Variants in TBC1D19 observed in about 807,000 individuals in gnomAD.
TBC1D19 encodes TBC1 domain family member 19.
TBC1D19 carries 60 observed loss-of-function variants against 89.0 expected under a neutral mutation model. The ratio of observed to expected loss-of-function variants is 0.67; its 90% CI spans 0.55 to 0.84. The LOEUF (loss-of-function observed/expected upper bound fraction) is 0.84, where lower values mean the gene tolerates loss of function less well. Among genes scored for constraint, TBC1D19 ranks in the 40% least tolerant of loss-of-function variants. The probability of loss-of-function intolerance (pLI) is 0.00; values close to 1 mark genes in which losing one functional copy is unlikely to be tolerated. For missense variants in TBC1D19, 500 were observed against 610.8 expected, an observed-to-expected ratio of 0.82 and a Z score of 1.91; for synonymous variants, 189 against 199.7, an observed-to-expected ratio of 0.95 and a Z score of 0.45.
At chr4:26,814,070 T>C in the TBC1D19 span, among the ~76,000 whole-genome samples, 1 of 152,096 alleles carries the variant, frequency 6.6e-6, no homozygotes, top group Admixed American at 6.5e-5. Context: ...TCTTTGTTTG[T>C]TCTCGGTACC....
chr4:26,584,110 C>T lies in TBC1D19; in HGVS notation c.-84C>T, dbSNP rs1237932540. Reference sequence around the variant, plus strand: ...GTGTAATAAGGTCCCGGAGAAGTGTCACTGGCCCTGAGTGGGACCCGGTAG... The same window carrying T: ...GTGTAATAAGGTCCCGGAGAAGTGTTACTGGCCCTGAGTGGGACCCGGTAG... On this transcript the variant is annotated 5_prime_UTR_variant, in exon 1 of 21. Transcript: ENST00000264866. 3 of 1,360,536 alleles carry T rather than the reference C, an allele frequency of 2.2e-6. No individual in the cohort carries two copies. Among genetic ancestry groups the T allele is most frequent in the African/African-American group, 2.9e-5 (2 of 69,932 alleles). The allele number at this position is 1,360,536 out of a possible 1,614,324, so 84.3% of individuals were successfully genotyped here.
chr4:26,753,315 C>T (rs1719079759), intron 19 of TBC1D19, among the ~76,000 whole-genome samples: 1 of 151,978 alleles, frequency 6.6e-6, no homozygotes, highest in Admixed American at 6.6e-5. Context: ...ATACCTGCAC[C>T]AAAATAAACC....
chr4:26,720,999 C>G (rs1716939752), intron 15 of TBC1D19, among the ~76,000 whole-genome samples: 1 of 152,106 alleles, frequency 6.6e-6, no homozygotes, highest in Non-Finnish European at 1.5e-5. Context: ...CTTTGGCTTT[C>G]ATGGCGCTGT....
the TBC1D19 span, among the ~76,000 whole-genome samples, chr4:26,851,303 CCCTA>C: frequency 9.4e-4 from 66 of 70,502 alleles, no homozygotes; most frequent in Admixed American, 2.1e-3. Flanking sequence ...CTAATAAATA[CCCTA>C]TCTATCTATC....
chr4:26,790,982 C>T, the TBC1D19 span, among the ~76,000 whole-genome samples: 2 of 152,130 alleles, frequency 1.3e-5, no homozygotes, highest in Non-Finnish European at 2.9e-5. Flanking sequence ...TTCCAAATGT[C>T]GGGTGTCCCT....
intron 18 of TBC1D19, among the ~76,000 whole-genome samples, chr4:26,743,789 G>A (rs1314728084): frequency 1.3e-5 from 2 of 151,608 alleles, no homozygotes; most frequent in Non-Finnish European, 3.0e-5. Context: ...TATTCTTGTA[G>A]TAAATTGACT....
At chr4:26,786,357 G>A in the TBC1D19 span, among the ~76,000 whole-genome samples, 5 of 152,118 alleles carry the variant, frequency 3.3e-5, no homozygotes, top group African/African-American at 7.2e-5. Context: ...AGTACCAGCC[G>A]GGCACGGTGG....
chr4:26,579,972 C>T (rs2109919892), upstream of TBC1D19, among the ~76,000 whole-genome samples: 2 of 152,318 alleles, frequency 1.3e-5, 1 homozygote, highest in Middle Eastern at 6.8e-3. Context: ...GTTTCTGAGA[C>T]ACTGAACCAA....
chr4:26,584,426 CA>C (rs1577743192), intron 1 of TBC1D19, 134 bp downstream of exon 1: 1 of 262,370 alleles, frequency 3.8e-6, no homozygotes, highest in East Asian at 6.1e-5. Context: ...AACAAACAGA[CA>C]AAAACAAAAA....
At position 26,605,439 on chromosome 4, in the gene TBC1D19, T is replaced by A. The variant is rs62409933; in HGVS notation, c.100-7730T>A. On this transcript the variant is annotated intron_variant, in intron 1 of 20. Coordinates refer to ENST00000264866, the MANE Select transcript of TBC1D19 (RefSeq NM_018317.4). ...TGGTGTATATGTGCCACATTTTCTT[T>A]ATCCAGTCTACCATTGTTGGACATT... 2.3e-4 allele frequency among the ~76,000 whole-genome samples: 35 copies of A among 151,328 alleles called. No homozygotes were observed. In the East Asian group the frequency reaches 3.3e-3, roughly 14 times the overall value.
chr4:26,774,319 C>G, the TBC1D19 span, among the ~76,000 whole-genome samples: 1 of 152,244 alleles, frequency 6.6e-6, no homozygotes, highest in Non-Finnish European at 1.5e-5. Flanking sequence ...CCTGGCAGAT[C>G]AGCACTCTCT....
the TBC1D19 span, among the ~76,000 whole-genome samples, chr4:26,769,440 A>G: frequency 6.6e-6 from 1 of 152,194 alleles, no homozygotes. Context: ...TAAACAGTGT[A>G]AAGCAATAAT....
chr4:26,717,587 T>C (rs1716710761), intron 13 of TBC1D19, among the ~76,000 whole-genome samples: 1 of 152,032 alleles, frequency 6.6e-6, no homozygotes, highest in Admixed American at 6.6e-5. Context: ...CCCAAATTGC[T>C]CTATGTCACA....
chr4:26,649,131 A>C (rs1331613513), intron 7 of TBC1D19, among the ~76,000 whole-genome samples: 1 of 129,318 alleles, frequency 7.7e-6, no homozygotes, highest in Non-Finnish European at 1.6e-5. Context: ...ATTAGGCTAA[A>C]ATTGTAGATT....
the TBC1D19 span, among the ~76,000 whole-genome samples, chr4:26,848,190 T>C: frequency 6.6e-6 from 1 of 152,210 alleles, no homozygotes; most frequent in Non-Finnish European, 1.5e-5. Flanking sequence ...CATCACCCAA[T>C]CTGTCCAGGG....
intron 20 of TBC1D19, 31 bp from the exon 21 acceptor site, chr4:26,754,842 T>A (rs1719181386): frequency 6.5e-7 from 1 of 1,535,862 alleles, no homozygotes; most frequent in South Asian, 1.2e-5. Context: ...TTCGCTTTGC[T>A]ATTAATAATT....
intron 7 of TBC1D19, among the ~76,000 whole-genome samples, chr4:26,646,617 C>CA (rs1743977976): frequency 1.3e-5 from 2 of 151,828 alleles, no homozygotes; most frequent in Admixed American, 1.3e-4. Context: ...ACTATGCAGC[C>CA]ATTAAAAAGG....
At chr4:26,620,330 T>C (rs1741963280) in intron 3 of TBC1D19, among the ~76,000 whole-genome samples, 1 of 152,204 alleles carries the variant, frequency 6.6e-6, no homozygotes, top group Non-Finnish European at 1.5e-5. Flanking sequence ...TGCAATCTGA[T>C]ATTATTTTAT....
chr4:26,696,276 T>A (rs558438927), intron 13 of TBC1D19, among the ~76,000 whole-genome samples: 77 of 152,252 alleles, frequency 5.1e-4, no homozygotes, highest in African/African-American at 1.8e-3. Flanking sequence ...CATTACATAA[T>A]GGTAAAGGGA....
Sources: gnomAD v4.1 joint callset for allele counts (sites outside exome capture counted in the v4.1 genomes callset) on GRCh38, gnomAD v4.1.1 for gene constraint, MANE v1.5 for transcripts, NCBI Gene and HGNC (gene_info 2026-07-23, HGNC 2026-07-21) for gene names.